Variants in LEPR observed in about 807,000 individuals in gnomAD.
The protein encoded by LEPR is OB receptor.
A neutral mutation model predicts 114.7 loss-of-function variants in LEPR; 56 were observed. That is an observed-to-expected ratio of 0.49 (90% CI 0.39 to 0.61). LEPR has a LOEUF of 0.61. Among genes scored for constraint, LEPR ranks in the 20% least tolerant of loss-of-function variants. The pLI is 0.00. For synonymous variants in LEPR, 443 were observed against 461.4 expected, an observed-to-expected ratio of 0.96 and a Z score of 0.51; for missense variants, 1,202 against 1,352.9, an observed-to-expected ratio of 0.89 and a Z score of 1.75.
intron 11 of LEPR, among the ~76,000 whole-genome samples, chr1:65,607,444 G>A (rs1294953656): frequency 6.6e-6 from 1 of 152,118 alleles, no homozygotes; most frequent in African/African-American, 2.4e-5. Context: ...AGGTGTGGAG[G>A]GCATCCAACC....
chr1:65,529,580 G>T (rs1406529250), intron 2 of LEPR, among the ~76,000 whole-genome samples: 1 of 151,638 alleles, frequency 6.6e-6, no homozygotes, highest in Non-Finnish European at 1.5e-5. Context: ...AGGGAGGATT[G>T]TCTCTATTCC....
intron 2 of LEPR, among the ~76,000 whole-genome samples, chr1:65,456,166 A>G (rs1167965735): frequency 6.6e-6 from 1 of 151,826 alleles, no homozygotes; most frequent in Non-Finnish European, 1.5e-5. Flanking sequence ...GCACCCATTG[A>G]CCTGCGCCCA....
intron 5 of LEPR, among the ~76,000 whole-genome samples, chr1:65,589,971 T>C (rs72683113): frequency 0.12 from 18,211 of 151,836 alleles, 1,468 homozygotes; most frequent in Middle Eastern, 0.17. Context: ...CCTGTTGAGA[T>C]TGTGAGTAGC....
Position 65,613,612 on chromosome 1 carries a change from G to A in LEPR, c.1996-2396G>A, listed in dbSNP as rs528622416. Among the ~76,000 whole-genome samples, 347 of 130,202 alleles carry A rather than the reference G, an allele frequency of 2.7e-3. 48 individuals carry two copies. Among genetic ancestry groups the A allele is most frequent in the Non-Finnish European group, 3.1e-3 (195 of 61,978 alleles). 85.4% of individuals were successfully genotyped at this position (130,202 alleles called of 152,430 possible). On this transcript the variant is annotated intron_variant, in intron 14 of 19. Coordinates refer to ENST00000349533, the MANE Select transcript of LEPR (RefSeq NM_002303.6). The stretch of plus-strand genomic sequence containing the variant: ...ACTAAAAATACAAAAAATTAGCCGG[G>A]CGCGGTGGCGGGCGCCTGTAGTCCC...
chr1:65,541,292 T>C (rs1164114504), intron 2 of LEPR, among the ~76,000 whole-genome samples: 31 of 152,268 alleles, frequency 2.0e-4, no homozygotes, highest in Admixed American at 2.0e-3. Flanking sequence ...AATATTTAAA[T>C]GAGTCAATTT....
chr1:65,427,173 A>T (rs1218207729), intron 2 of LEPR, among the ~76,000 whole-genome samples: 3 of 152,214 alleles, frequency 2.0e-5, no homozygotes, highest in Non-Finnish European at 4.4e-5. Context: ...CCTTCACAGC[A>T]ATTACTTTAT....
intron 5 of LEPR, among the ~76,000 whole-genome samples, chr1:65,579,277 A>G (rs556111252): frequency 2.8e-4 from 43 of 152,226 alleles, no homozygotes; most frequent in Non-Finnish European, 5.3e-4. Flanking sequence ...AGACTAATGG[A>G]TAATGAATGT....
chr1:65,585,493 G>T (rs989087871), intron 5 of LEPR, among the ~76,000 whole-genome samples: 1 of 151,878 alleles, frequency 6.6e-6, no homozygotes, highest in African/African-American at 2.4e-5. Flanking sequence ...CAATACTAAA[G>T]AATTATATCT....
At chr1:65,481,669 A>G (rs1044493317) in intron 2 of LEPR, among the ~76,000 whole-genome samples, 20 of 152,204 alleles carry the variant, frequency 1.3e-4, no homozygotes, top group African/African-American at 4.6e-4. Context: ...CCCAGACTTT[A>G]TATTATTTAA....
chr1:65,623,191 A>G (rs1037456598), intron 19 of LEPR: 3 of 551,068 alleles, frequency 5.4e-6, no homozygotes, highest in African/African-American at 1.9e-5. Flanking sequence ...AGTTTATCGT[A>G]TGAGAGTTCA....
At chr1:65,521,874 C>A (rs887925809) in intron 2 of LEPR, among the ~76,000 whole-genome samples, 2 of 151,752 alleles carry the variant, frequency 1.3e-5, no homozygotes, top group African/African-American at 2.4e-5. Flanking sequence ...TTGAGGCGGG[C>A]GGATCAATTG....
At chr1:65,626,372 A>AT in intron 19 of LEPR, 1 of 1,184,622 alleles carries the variant, frequency 8.4e-7, no homozygotes, top group Non-Finnish European at 1.1e-6. Flanking sequence ...TGTAGGACTG[A>AT]TTTTTTAAAA....
intron 2 of LEPR, among the ~76,000 whole-genome samples, chr1:65,439,298 T>C (rs928080049): frequency 2.6e-5 from 4 of 152,202 alleles, no homozygotes; most frequent in African/African-American, 9.7e-5. Flanking sequence ...TACAAAGTTA[T>C]ACATTAGACA....
chr1:65,631,782 A>G (rs1278818234), intron 19 of LEPR, among the ~76,000 whole-genome samples: 3 of 152,164 alleles, frequency 2.0e-5, no homozygotes, highest in African/African-American at 7.2e-5. Flanking sequence ...TAAAAGAACT[A>G]TTACCTTTCT....
intron 2 of LEPR, among the ~76,000 whole-genome samples, chr1:65,506,787 C>G (rs531644677): frequency 6.6e-6 from 1 of 152,116 alleles, no homozygotes; most frequent in Admixed American, 6.5e-5. Flanking sequence ...TTTATCATTT[C>G]TTTGTGGTGA....
At chr1:65,574,585 T>C (rs1305658771) in intron 5 of LEPR, among the ~76,000 whole-genome samples, 1 of 152,222 alleles carries the variant, frequency 6.6e-6, no homozygotes, top group African/African-American at 2.4e-5. Context: ...TACCACTTAC[T>C]AAATGCACTC....
intron 19 of LEPR, among the ~76,000 whole-genome samples, chr1:65,629,818 A>C (rs573259830): frequency 6.6e-6 from 1 of 152,060 alleles, no homozygotes; most frequent in South Asian, 2.1e-4. Flanking sequence ...TGGACTCTCC[A>C]GGAACTCCTC....
chr1:65,554,152 G>T (rs563437917), intron 2 of LEPR, among the ~76,000 whole-genome samples: 13 of 152,298 alleles, frequency 8.5e-5, no homozygotes, highest in Non-Finnish European at 1.5e-4. Flanking sequence ...GACCCCTGCT[G>T]GGAGGTGTCT....
intron 2 of LEPR, among the ~76,000 whole-genome samples, chr1:65,564,764 AAGAGCTT>A (rs1653604874): frequency 6.6e-6 from 1 of 152,194 alleles, no homozygotes; most frequent in Non-Finnish European, 1.5e-5. Context: ...TGATTACCGG[AAGAGCTT>A]AGCCTGGCAC....
Sources: gnomAD v4.1 joint callset for allele counts (sites outside exome capture counted in the v4.1 genomes callset) on GRCh38, gnomAD v4.1.1 for gene constraint, MANE v1.5 for transcripts, NCBI Gene and HGNC (gene_info 2026-07-23, HGNC 2026-07-21) for gene names.